The following TRERF1 variants were observed in gnomAD, a reference collection of about 807,000 sequenced individuals.
The protein encoded by TRERF1 is transcriptional-regulating factor 1.
TRERF1 carries 27 observed loss-of-function variants against 122.9 expected under a neutral mutation model. The ratio of observed to expected loss-of-function variants is 0.22; its 90% confidence interval spans 0.16 to 0.30. The LOEUF is 0.30. TRERF1 is among the 10% of genes least tolerant of loss of function. The pLI is 1.00. For missense variants in TRERF1, 1,248 were observed against 1,560.3 expected (o/e 0.80, Z 3.37); for synonymous variants, 636 against 641.7 (o/e 0.99, Z 0.13).
At chr6:42,366,294 G>A (rs1216665700) in intron 2 of TRERF1, among the ~76,000 whole-genome samples, 1 of 152,232 alleles carries the variant, frequency 6.6e-6, no homozygotes, top group Non-Finnish European at 1.5e-5. Context: ...GCTCAACACA[G>A]TGTCTCAGTT....
At chr6:42,245,372 G>A (rs1481741590) in intron 14 of TRERF1, among the ~76,000 whole-genome samples, 2 of 152,244 alleles carry the variant, frequency 1.3e-5, no homozygotes, top group African/African-American at 4.8e-5. Flanking sequence ...CACTTGCCCA[G>A]GCAAGGCCCT....
At chr6:42,261,267 C>T (rs940483905) in intron 8 of TRERF1, among the ~76,000 whole-genome samples, 6 of 152,108 alleles carry the variant, frequency 3.9e-5, no homozygotes, top group Non-Finnish European at 8.8e-5. Flanking sequence ...ATGATCTCAA[C>T]GCAGCACTGC....
rs1211343871 is a variant in TRERF1, at chr6:42,449,467, A to G, written c.-454+1710T>C. Among the ~76,000 whole-genome samples the G allele has an allele frequency of 2.3e-5, 3 of 130,560 alleles. No individual in the cohort carries two copies. The East Asian group carries it at 7.2e-4, about 31-fold the overall frequency. The allele number at this position is 130,560 out of a possible 152,430, so 85.7% of individuals were successfully genotyped here. On this transcript the variant is annotated intron_variant, in intron 2 of 17. Coordinates refer to ENST00000372922, the Ensembl canonical transcript of TRERF1. ...GCAAGAACATTCTCGGTAGAAGAGG[A>G]AAAAAAAAAAAAACTACTGTGACTT...
At chr6:42,424,892 A>G (rs190898529) in intron 2 of TRERF1, among the ~76,000 whole-genome samples, 213 of 152,252 alleles carry the variant, frequency 1.4e-3, no homozygotes, top group Middle Eastern at 6.8e-3. Flanking sequence ...GCCCATCACT[A>G]TTTTCTTCAC....
intron 2 of TRERF1, among the ~76,000 whole-genome samples, chr6:42,404,509 G>A (rs561485791): frequency 3.3e-5 from 5 of 151,504 alleles, no homozygotes; most frequent in African/African-American, 7.3e-5. Context: ...CAATCCAGCC[G>A]TCTTGAATGT....
chr6:42,315,416 T>G (rs558610394), intron 3 of TRERF1, among the ~76,000 whole-genome samples: 1 of 152,304 alleles, frequency 6.6e-6, no homozygotes, highest in East Asian at 1.9e-4. Flanking sequence ...TTCTAATGCC[T>G]CGTGCCTGCT....
chr6:42,390,985 G>C (rs984589119), intron 2 of TRERF1, among the ~76,000 whole-genome samples: 10 of 152,292 alleles, frequency 6.6e-5, no homozygotes, highest in Admixed American at 1.3e-4. Flanking sequence ...GAAATGCTTT[G>C]TGAGTGGGAC....
At chr6:42,257,821 T>A (rs1777046315) in intron 10 of TRERF1, among the ~76,000 whole-genome samples, 1 of 152,208 alleles carries the variant, frequency 6.6e-6, no homozygotes, top group Non-Finnish European at 1.5e-5. Context: ...AAGGAGCCTC[T>A]TAAAGAATGA....
chr6:42,329,697 A>G (rs1764912756), intron 3 of TRERF1, among the ~76,000 whole-genome samples: 1 of 152,076 alleles, frequency 6.6e-6, no homozygotes, highest in Non-Finnish European at 1.5e-5. Context: ...ACCGTTGAAA[A>G]TGTACTGATT....
At chr6:42,254,599 C>T (rs1191129298) in intron 13 of TRERF1, among the ~76,000 whole-genome samples, 1 of 152,172 alleles carries the variant, frequency 6.6e-6, no homozygotes, top group Non-Finnish European at 1.5e-5. Context: ...CACTCGTCTC[C>T]TTGCCACACG....
At chr6:42,285,303 G>A (rs1303590918) in intron 4 of TRERF1, among the ~76,000 whole-genome samples, 2 of 152,124 alleles carry the variant, frequency 1.3e-5, no homozygotes, top group African/African-American at 4.8e-5. Flanking sequence ...TGGTGTATAA[G>A]AATGCTTGTG....
At chr6:42,304,719 C>T (rs1486573848) in intron 3 of TRERF1, among the ~76,000 whole-genome samples, 4 of 152,114 alleles carry the variant, frequency 2.6e-5, no homozygotes, top group South Asian at 2.1e-4. Context: ...CCTCCCAAGC[C>T]GAGACAATGA....
intron 4 of TRERF1, among the ~76,000 whole-genome samples, chr6:42,294,256 A>G (rs1238624035): frequency 1.4e-5 from 2 of 143,266 alleles, no homozygotes; most frequent in Non-Finnish European, 3.0e-5. Flanking sequence ...ATCTCAGCTC[A>G]CTGCAACCTC....
At chr6:42,319,359 A>G (rs1021927489) in intron 3 of TRERF1, among the ~76,000 whole-genome samples, 3 of 152,262 alleles carry the variant, frequency 2.0e-5, no homozygotes, top group Non-Finnish European at 2.9e-5. Flanking sequence ...CAAGGCATGT[A>G]GATCCCTAAA....
At chr6:42,299,114 GTC>G (rs1561938732) in intron 4 of TRERF1, among the ~76,000 whole-genome samples, 54 of 95,990 alleles carry the variant, frequency 5.6e-4, no homozygotes, top group African/African-American at 1.3e-3. Flanking sequence ...CTGTCTGTCT[GTC>G]TCTATCTATC....
chr6:42,267,002 TG>T (rs1779320458), intron 5 of TRERF1, among the ~76,000 whole-genome samples: 1 of 152,164 alleles, frequency 6.6e-6, no homozygotes, highest in African/African-American at 2.4e-5. Context: ...CAATCACACA[TG>T]GTATCTGCGA....
chr6:42,238,928 T>C (rs73422422), intron 15 of TRERF1, among the ~76,000 whole-genome samples: 1,561 of 151,582 alleles, frequency 0.01, 28 homozygotes, highest in African/African-American at 0.035. Flanking sequence ...ATGAGGAAAT[T>C]GACCCAATAA....
At chr6:42,258,564 A>G (rs1163367185) in intron 9 of TRERF1, among the ~76,000 whole-genome samples, 1 of 152,238 alleles carries the variant, frequency 6.6e-6, no homozygotes, top group African/African-American at 2.4e-5. Context: ...TCTTATTTGT[A>G]CATCTACTGA....
rs3074800 is a variant in TRERF1 at position 42,288,953 on chromosome 6, C to CTGTGTG, written c.-259+11679_-259+11684dup. On this transcript the variant is annotated intron_variant, in intron 4 of 17. Transcript: ENST00000372922. ...GGAAACCATTAAAGTATCTTGAACTCTGTGTGTGTGTGTGTGTGTGTGTGT... is the reference window on the plus strand; with the variant it reads ...GGAAACCATTAAAGTATCTTGAACTCTGTGTGTGTGTGTGTGTGTGTGTGTGTGTGT... Among the ~76,000 whole-genome samples, 935 of 144,402 alleles carry CTGTGTG rather than the reference C, an allele frequency of 6.5e-3. 4 individuals are homozygous for CTGTGTG. The highest frequency in any genetic ancestry group is 0.012 in the Admixed American group (176 of 14,550). The allele number at this position is 144,402 out of a possible 152,430, so 94.7% of individuals were successfully genotyped here.
Sources: allele counts gnomAD v4.1 joint callset (sites outside exome capture counted in the v4.1 genomes callset), GRCh38; gene constraint gnomAD v4.1.1; transcripts MANE v1.5; gene names NCBI Gene and HGNC (gene_info 2026-07-23, HGNC 2026-07-21).